The following BAIAP2 variants were observed in gnomAD, a reference collection of about 807,000 sequenced individuals.
BAIAP2 encodes the protein BAR/IMD domain containing adaptor protein 2, also known as BAR/IMD domain-containing adapter protein 2.
BAIAP2 carries 18 observed loss-of-function variants against 63.0 expected under a neutral mutation model. The observed-to-expected ratio is 0.29, with a 90% CI of 0.20 to 0.42. The LOEUF is 0.42. Among genes scored for constraint, BAIAP2 ranks in the 10% least tolerant of loss-of-function variants. BAIAP2 has a pLI of 1.00. For synonymous variants in BAIAP2, 386 were observed against 307.6 expected, an observed-to-expected ratio of 1.25 and a Z score of -2.67; for missense variants, 610 against 734.3, an observed-to-expected ratio of 0.83 and a Z score of 1.96.
At chr17:81,044,317 C>T (rs1395650084) in intron 1 of BAIAP2, among the ~76,000 whole-genome samples, 1 of 152,214 alleles carries the variant, frequency 6.6e-6, no homozygotes, top group African/African-American at 2.4e-5. Flanking sequence ...CTTGGGTCTG[C>T]GATTGGCGGT....
At position 81,070,635 on chromosome 17, in the gene BAIAP2, C is replaced by T. The variant is rs370944704; in HGVS notation, c.217+12668C>T. 2.6e-4 allele frequency among the ~76,000 whole-genome samples: 40 copies of T among 152,264 alleles called. No homozygotes were observed. In the East Asian group the frequency reaches 3.1e-3, roughly 12 times the overall value. ...CTGTGGGAGCTGGGCTTGGCCAGGT[C>T]GCTCAACCCGTGGGGAGAAGGTGTC... On this transcript the variant is annotated intron_variant, in intron 3 of 13. Transcript: ENST00000428708.
At chr17:81,044,054 A>G (rs1475797480) in intron 1 of BAIAP2, among the ~76,000 whole-genome samples, 1 of 152,190 alleles carries the variant, frequency 6.6e-6, no homozygotes, top group Non-Finnish European at 1.5e-5. Context: ...GCTGCTTGCC[A>G]CTGTCTGCTT....
intron 13 of BAIAP2, chr17:81,109,964 G>T: frequency 1.0e-6 from 1 of 985,440 alleles, no homozygotes; most frequent in Non-Finnish European, 1.2e-6. Flanking sequence ...GGAAACAGGC[G>T]GTTCCTGCCC....
chr17:81,057,973 A>AGGCCCC lies in BAIAP2; in HGVS notation c.217+6_217+7insGGCCCC. 1 of 764,944 alleles carries AGGCCCC rather than the reference A, an allele frequency of 1.3e-6. No individual in the cohort carries two copies. The highest frequency in any genetic ancestry group is 1.7e-6 in the Non-Finnish European group (1 of 586,534). 47.4% of individuals were successfully genotyped at this position (764,944 alleles called of 1,614,324 possible). On this transcript the variant is annotated splice_region_variant and intron_variant, in intron 3 of 13. Transcript: ENST00000428708. The stretch of plus-strand genomic sequence containing the variant: ...CCAGGGCTCCAAAGAACTCGGTGAG[A>AGGCCCC]CCCCCCCCCCCCCCCCGCCTGGTAG...
intron 1 of BAIAP2, among the ~76,000 whole-genome samples, chr17:81,037,153 A>T (rs1443142812): frequency 6.6e-6 from 1 of 152,252 alleles, no homozygotes; most frequent in African/African-American, 2.4e-5. Flanking sequence ...GACGCAGACC[A>T]GCTGGTCTGG....
At chr17:81,091,916 G>A (rs1294557170) in intron 6 of BAIAP2, among the ~76,000 whole-genome samples, 4 of 151,678 alleles carry the variant, frequency 2.6e-5, no homozygotes, top group African/African-American at 9.8e-5. Flanking sequence ...GGCTGGTGGT[G>A]CAGCCATGTG....
At chr17:81,074,299 C>T (rs536022628) in intron 3 of BAIAP2, among the ~76,000 whole-genome samples, 61 of 152,200 alleles carry the variant, frequency 4.0e-4, no homozygotes, top group Admixed American at 7.2e-4. Context: ...TGCATGGATA[C>T]GTGTGAGTGC....
chr17:81,105,833 T>G, intron 10 of BAIAP2: 2 of 435,088 alleles, frequency 4.6e-6, no homozygotes, highest in Non-Finnish European at 8.4e-6. Flanking sequence ...GCCTTGCAGT[T>G]GGGTCTGGTG....
chr17:81,104,967 C>G (rs976681999), intron 10 of BAIAP2: 9 of 464,398 alleles, frequency 1.9e-5, no homozygotes, highest in African/African-American at 3.9e-5. Flanking sequence ...GGAGGGATCT[C>G]CCCCCAACAG....
chr17:81,108,025 A>G, intron 12 of BAIAP2: 1 of 189,544 alleles, frequency 5.3e-6, no homozygotes, highest in Non-Finnish European at 1.1e-5. Flanking sequence ...CCGGGATGGT[A>G]CATGTGACAA....
chr17:81,116,361 G>A lies in BAIAP2; in HGVS notation c.*522G>A, dbSNP rs1171368014. The A allele has an allele frequency of 4.4e-6, 7 of 1,601,792 alleles. No individual in the cohort carries two copies. Among genetic ancestry groups the A allele is most frequent in the Non-Finnish European group, 5.1e-6 (6 of 1,173,362 alleles). On this transcript the variant is annotated 3_prime_UTR_variant, in exon 14 of 14. Coordinates refer to ENST00000428708, the MANE Select transcript of BAIAP2 (RefSeq NM_001144888.2). ...TCCGGCAGCTACACCTGGAGTGTGG[G>A]GCCTGGTCCCTCCCCATGCCCCTCG... is the stretch of plus-strand genomic sequence containing the variant.
rs377680789 is a variant in BAIAP2, at chr17:81,103,975, C to T, written c.933C>T (p.Ser311=). ...CAGGCCCGGATGGCGAGGACTACAG[C>T]CCGTGGGCTGACCGCAAGGCTGCCC... ...GVTGPDGEDY[S]PWADRKAAQP... Residue 311 remains serine, a synonymous_variant, in exon 9 of 14, where the codon AGC becomes AGT. Coordinates refer to ENST00000428708, the MANE Select transcript of BAIAP2 (RefSeq NM_001144888.2). The T allele has an allele frequency of 1.9e-6, 3 of 1,613,002 alleles. No individual in the cohort carries two copies. Among genetic ancestry groups the T allele is most frequent in the Non-Finnish European group, 2.5e-6 (3 of 1,180,026 alleles).
In BAIAP2 at chr17:81,090,620, C is replaced by T. The variant is rs144076015; in HGVS notation, c.489+4040C>T. Among the ~76,000 whole-genome samples, 1,064 of 152,370 alleles carry T rather than the reference C, an allele frequency of 7.0e-3. 17 individuals are homozygous for T. The highest frequency in any genetic ancestry group is 0.025 in the African/African-American group (1,021 of 41,592). ...AGGGAGCCACACCCCGGTGTGCTTT[C>T]TGCTCCCCAGTGGCCTGGAAGCCCA... is the stretch of plus-strand genomic sequence containing the variant. On this transcript the variant is annotated intron_variant, in intron 6 of 13. Transcript: ENST00000428708.
intron 1 of BAIAP2, among the ~76,000 whole-genome samples, chr17:81,049,791 A>G (rs899533359): frequency 3.9e-5 from 6 of 152,200 alleles, no homozygotes; most frequent in Admixed American, 6.5e-5. Context: ...CCTGTTGGCT[A>G]TGGGCCCCCG....
chr17:81,044,378 G>A (rs958928006), intron 1 of BAIAP2, among the ~76,000 whole-genome samples: 2 of 152,244 alleles, frequency 1.3e-5, no homozygotes, highest in Non-Finnish European at 1.5e-5. Context: ...GGACCAACAC[G>A]GCGCCACAGA....
intron 3 of BAIAP2, among the ~76,000 whole-genome samples, chr17:81,059,279 G>A (rs993199622): frequency 1.3e-5 from 2 of 152,328 alleles, no homozygotes; most frequent in South Asian, 2.1e-4. Flanking sequence ...CGGGGTCCCC[G>A]GGCCTCCGCA....
rs2047772927 is a variant in BAIAP2 at position 81,046,153 on chromosome 17, C to G, written c.55-7515C>G. 6.6e-6 allele frequency among the ~76,000 whole-genome samples: 1 copy of G among 152,096 alleles called. No individual in the cohort carries two copies. Among genetic ancestry groups the G allele is most frequent in the South Asian group, 2.1e-4 (1 of 4,828 alleles). ...GGTAAGGAGGAGGATGGTGTCTCTG[C>G]CTGGTTTGTCACCGTCCCCCTTGGG... On this transcript the variant is annotated intron_variant, in intron 1 of 13. Coordinates refer to ENST00000428708, the MANE Select transcript of BAIAP2 (RefSeq NM_001144888.2). The surrounding 1 kb of genome is among the most constrained non-coding windows in gnomAD (Gnocchi z 4.5).
intron 1 of BAIAP2, chr17:81,053,324 A>T (rs2048965118): frequency 3.8e-6 from 1 of 265,032 alleles, no homozygotes; most frequent in Non-Finnish European, 7.3e-6. Flanking sequence ...AGCCGCGCCA[A>T]TGGGAACGGC....
rs371589518 is a variant in BAIAP2, at chr17:81,116,152, G to A, written c.*313G>A. On this transcript the variant is annotated 3_prime_UTR_variant, in exon 14 of 14. Transcript: ENST00000428708. ...ACCCCTGAGTTAAGGGAGGACATTT[G>A]GCCAGCTGGTGGCTGGGAGGGGAGC... The A allele has an allele frequency of 2.1e-5, 34 of 1,600,634 alleles. No individual in the cohort carries two copies. The Middle Eastern group carries it at 6.7e-4, about 31-fold the overall frequency.
Sources: allele counts gnomAD v4.1 joint callset (sites outside exome capture counted in the v4.1 genomes callset), GRCh38; gene constraint gnomAD v4.1.1; non-coding constraint Gnocchi (gnomAD v3.1); transcripts MANE v1.5; gene names NCBI Gene and HGNC (gene_info 2026-07-23, HGNC 2026-07-21).